PCNX2: variants seen among roughly 807,000 people sequenced by gnomAD.
The protein encoded by PCNX2 is pecanex 2.
A neutral mutation model predicts 223.8 loss-of-function variants in PCNX2; 168 were observed. The ratio of observed to expected loss-of-function variants is 0.75; its 90% CI spans 0.66 to 0.85. The LOEUF (loss-of-function observed/expected upper bound fraction) is 0.85, where lower values mean the gene tolerates loss of function less well. PCNX2 is among the 40% of genes least tolerant of loss of function. The probability of loss-of-function intolerance (pLI) is 0.00; values close to 1 mark genes in which losing one functional copy is unlikely to be tolerated. For synonymous variants in PCNX2, 1,006 were observed against 1,052.6 expected (o/e 0.96, Z 0.86); for missense variants, 2,507 against 2,675.5 (o/e 0.94, Z 1.39).
chr1:233,315,208 G>T, the PCNX2 span, among the ~76,000 whole-genome samples: 1 of 152,162 alleles, frequency 6.6e-6, no homozygotes, highest in East Asian at 1.9e-4. Flanking sequence ...AGAAGAAAAG[G>T]TCAGATAAGT....
At chr1:233,125,424 C>T (rs1676039447) in intron 21 of PCNX2, among the ~76,000 whole-genome samples, 1 of 152,156 alleles carries the variant, frequency 6.6e-6, no homozygotes. Context: ...CCCAGCAAGT[C>T]CAATCCCGGC....
At chr1:233,092,308 G>A (rs1039077753) in intron 22 of PCNX2, among the ~76,000 whole-genome samples, 4 of 152,192 alleles carry the variant, frequency 2.6e-5, no homozygotes, top group African/African-American at 9.7e-5. Context: ...ATCTGGCTAA[G>A]TCTGTCTAAT....
At chr1:233,121,937 C>T (rs1675819211) in intron 21 of PCNX2, among the ~76,000 whole-genome samples, 1 of 152,100 alleles carries the variant, frequency 6.6e-6, no homozygotes, top group Non-Finnish European at 1.5e-5. Context: ...TCAATAAGTA[C>T]ATCTAGTACC....
intron 14 of PCNX2, among the ~76,000 whole-genome samples, chr1:233,199,773 C>T (rs56914333): frequency 0.2 from 29,881 of 151,380 alleles, 3,458 homozygotes; most frequent in East Asian, 0.53. Flanking sequence ...CACTCCCAGA[C>T]TTGAGCATGT....
chr1:233,173,525 GT>G (rs1204800876), intron 17 of PCNX2, among the ~76,000 whole-genome samples: 2 of 152,140 alleles, frequency 1.3e-5, no homozygotes, highest in Non-Finnish European at 2.9e-5. Flanking sequence ...TCTTTCTCAA[GT>G]TTTTAAAAAC....
chr1:233,251,127 T>C (rs1659427422), intron 7 of PCNX2, among the ~76,000 whole-genome samples: 1 of 152,240 alleles, frequency 6.6e-6, no homozygotes, highest in East Asian at 1.9e-4. Flanking sequence ...GACTTATTTG[T>C]ATCATCTCTT....
intron 13 of PCNX2, chr1:233,202,148 T>C (rs565326432): frequency 4.3e-6 from 2 of 464,096 alleles, no homozygotes; most frequent in Non-Finnish European, 8.9e-6. Context: ...ATGCTTGTTA[T>C]GTTACCAGGA....
chr1:233,201,627 G>C (rs1254846904), intron 13 of PCNX2: 1 of 152,372 alleles, frequency 6.6e-6, no homozygotes, highest in Admixed American at 6.5e-5. Context: ...GATCAGGGCA[G>C]AGGGAAGGTC....
At chr1:233,043,357 C>A (rs964058214) in intron 25 of PCNX2, among the ~76,000 whole-genome samples, 1 of 152,112 alleles carries the variant, frequency 6.6e-6, no homozygotes, top group African/African-American at 2.4e-5. Flanking sequence ...AACTTGATGG[C>A]CCCCATTGGC....
chr1:233,215,041 A>G (rs1308320110), intron 12 of PCNX2, among the ~76,000 whole-genome samples: 1 of 152,162 alleles, frequency 6.6e-6, no homozygotes, highest in African/African-American at 2.4e-5. Flanking sequence ...ACCCTCCACA[A>G]ATGTGCAAAA....
intron 8 of PCNX2, among the ~76,000 whole-genome samples, chr1:233,246,659 C>T (rs1659141342): frequency 6.6e-6 from 1 of 152,148 alleles, no homozygotes; most frequent in Non-Finnish European, 1.5e-5. Flanking sequence ...CATAATATTG[C>T]ACATGGGAAC....
intron 32 of PCNX2, among the ~76,000 whole-genome samples, chr1:232,989,030 C>T (rs187952739): frequency 5.3e-4 from 80 of 152,290 alleles, no homozygotes; most frequent in African/African-American, 1.8e-3. Flanking sequence ...ATTGGGATAC[C>T]TGACCAGAAT....
Position 233,185,067 on chromosome 1 carries a change from A to G in PCNX2, c.3067-5892T>C, listed in dbSNP as rs1177368666. Among the ~76,000 whole-genome samples the G allele has an allele frequency of 2.8e-5, 4 of 144,154 alleles. No individual in the cohort carries two copies. The East Asian group carries it at 8.3e-4, about 30-fold the overall frequency. The allele number at this position is 144,154 out of a possible 152,430, so 94.6% of individuals were successfully genotyped here. Reference sequence around the variant, plus strand: ...ACCTGTTCACTTTTTCAACTAATGCAGATGTATACATACATAAACACACAC... The same window carrying G: ...ACCTGTTCACTTTTTCAACTAATGCGGATGTATACATACATAAACACACAC... On this transcript the variant is annotated intron_variant, in intron 15 of 33. Coordinates refer to ENST00000258229, the MANE Select transcript of PCNX2 (RefSeq NM_014801.4).
intron 25 of PCNX2, among the ~76,000 whole-genome samples, chr1:233,031,327 C>CT (rs1046568608): frequency 6.6e-6 from 1 of 152,144 alleles, no homozygotes; most frequent in African/African-American, 2.4e-5. Context: ...TCATTATTCA[C>CT]TTTTTCTGGG....
intron 28 of PCNX2, among the ~76,000 whole-genome samples, chr1:233,005,470 T>C (rs575029022): frequency 6.6e-6 from 1 of 152,318 alleles, no homozygotes; most frequent in East Asian, 1.9e-4. Context: ...CCACCAACAA[T>C]GGATATTTTC....
intron 1 of PCNX2, among the ~76,000 whole-genome samples, chr1:233,287,916 C>CA (rs771354833): frequency 6.6e-6 from 1 of 150,856 alleles, no homozygotes; most frequent in Non-Finnish European, 1.5e-5. Context: ...AAAGCTCTTA[C>CA]AAAAAAAAAG....
intron 1 of PCNX2, among the ~76,000 whole-genome samples, chr1:233,273,780 C>T (rs867276076): frequency 3.0e-4 from 45 of 152,132 alleles, no homozygotes; most frequent in Admixed American, 2.6e-3. Context: ...CCTGCCACTA[C>T]GCCCAGCTAA....
At chr1:233,226,170 A>G (rs746479675) in intron 10 of PCNX2, among the ~76,000 whole-genome samples, 9 of 152,220 alleles carry the variant, frequency 5.9e-5, no homozygotes, top group Non-Finnish European at 1.2e-4. Context: ...AGTGCTACTC[A>G]GCCCCTGAAC....
intron 19 of PCNX2, among the ~76,000 whole-genome samples, chr1:233,152,500 A>G (rs1312545780): frequency 6.6e-6 from 1 of 152,216 alleles, no homozygotes; most frequent in Non-Finnish European, 1.5e-5. Flanking sequence ...AGACCCCTGC[A>G]TAGTTTTATG....
Sources: allele counts gnomAD v4.1 joint callset (sites outside exome capture counted in the v4.1 genomes callset), GRCh38; gene constraint gnomAD v4.1.1; transcripts MANE v1.5; gene names NCBI Gene and HGNC (gene_info 2026-07-23, HGNC 2026-07-21).